The following TBXAS1 variants were observed in gnomAD, a reference collection of about 807,000 sequenced individuals.
TBXAS1 encodes thromboxane-A synthase.
TBXAS1 carries 48 observed loss-of-function variants against 60.7 expected under a neutral mutation model. That is an observed-to-expected ratio of 0.79 (90% CI 0.63 to 1.01). TBXAS1 has a LOEUF of 1.01. Ranked by LOEUF, TBXAS1 falls within the 50% of genes least tolerant of loss-of-function variation. TBXAS1 has a pLI of 0.00. For synonymous variants in TBXAS1, 287 were observed against 269.7 expected, an observed-to-expected ratio of 1.06 and a Z score of -0.63; for missense variants, 685 against 686.3, an observed-to-expected ratio of 1.00 and a Z score of 0.02.
chr7:139,935,354 C>G (rs1807668139), intron 4 of TBXAS1, among the ~76,000 whole-genome samples: 1 of 152,200 alleles, frequency 6.6e-6, no homozygotes, highest in Admixed American at 6.5e-5. Flanking sequence ...TACATGGATT[C>G]AATGTAGTTC....
Position 139,976,677 on chromosome 7 carries a change from G to A in TBXAS1, c.1134+14444G>A, listed in dbSNP as rs545188829. ...GAACTTTTACAAACTGTAGCTGATT[G>A]GGTTCCGCCCCTGGAGATTCGATTT... On this transcript the variant is annotated intron_variant, in intron 9 of 12. Coordinates refer to ENST00000448866, the MANE Select transcript of TBXAS1 (RefSeq NM_001061.7). 9.9e-5 allele frequency among the ~76,000 whole-genome samples: 15 copies of A among 152,212 alleles called. No homozygotes were observed. The South Asian group carries it at 3.1e-3, about 32-fold the overall frequency.
chr7:139,995,783 G>A (rs374150054), intron 9 of TBXAS1, among the ~76,000 whole-genome samples: 2 of 152,212 alleles, frequency 1.3e-5, no homozygotes, highest in South Asian at 4.1e-4. Context: ...CCTTTTCCTT[G>A]GCCATGGGCT....
At chr7:139,868,547 A>G (rs1370623953) in intron 1 of TBXAS1, among the ~76,000 whole-genome samples, 1 of 151,378 alleles carries the variant, frequency 6.6e-6, no homozygotes, top group Non-Finnish European at 1.5e-5. Flanking sequence ...GTACTGGTAC[A>G]AAAGTAGCTC....
chr7:139,926,333 T>C (rs1041408963), intron 4 of TBXAS1, among the ~76,000 whole-genome samples: 3 of 152,342 alleles, frequency 2.0e-5, no homozygotes, highest in Admixed American at 6.5e-5. Context: ...CATTACTTGT[T>C]ATTGATCTGT....
intron 5 of TBXAS1, among the ~76,000 whole-genome samples, chr7:139,951,917 G>GAA (rs1268224246): frequency 9.1e-6 from 1 of 109,850 alleles, no homozygotes; most frequent in African/African-American, 3.5e-5. Context: ...GAGAAAGAAA[G>GAA]AGAGAAAGAA....
At chr7:139,930,164 G>A (rs1053212036) in intron 4 of TBXAS1, among the ~76,000 whole-genome samples, 4 of 152,102 alleles carry the variant, frequency 2.6e-5, no homozygotes, top group Non-Finnish European at 5.9e-5. Context: ...TCAAGGCTTT[G>A]CACTAATCTC....
At chr7:139,905,620 G>T (rs1333488201) in intron 3 of TBXAS1, among the ~76,000 whole-genome samples, 3 of 152,268 alleles carry the variant, frequency 2.0e-5, no homozygotes, top group Non-Finnish European at 4.4e-5. Context: ...TTAGGGTGAT[G>T]CTGGCTTCAT....
intron 4 of TBXAS1, among the ~76,000 whole-genome samples, chr7:139,933,029 C>T (rs1021945753): frequency 9.2e-5 from 14 of 152,070 alleles, no homozygotes; most frequent in African/African-American, 3.1e-4. Context: ...TGCACTACCG[C>T]CTGGGTGACA....
chr7:140,007,336 T>C (rs1267641069), intron 10 of TBXAS1, among the ~76,000 whole-genome samples, 154 bp downstream of exon 10: 1 of 152,006 alleles, frequency 6.6e-6, no homozygotes, highest in African/African-American at 2.4e-5. Flanking sequence ...CCATGGCACC[T>C]CAGATATCTG....
intron 1 of TBXAS1, among the ~76,000 whole-genome samples, chr7:139,833,747 A>G (rs943062830): frequency 1.3e-5 from 2 of 152,204 alleles, no homozygotes; most frequent in Non-Finnish European, 2.9e-5. Context: ...GGCCTTGTCC[A>G]ACAGTAAAAT....
intron 4 of TBXAS1, among the ~76,000 whole-genome samples, chr7:139,799,972 G>T (rs6954520): frequency 0.064 from 9,673 of 152,084 alleles, 1,024 homozygotes; most frequent in African/African-American, 0.22. Flanking sequence ...CCACTTCTAG[G>T]TTCCAAGCCA....
rs1387289433 is a variant in TBXAS1, at chr7:139,955,447, C to T, written c.540-12C>T. 6.2e-7 allele frequency: 1 copy of T among 1,614,034 alleles called. No individual in the cohort carries two copies. Among genetic ancestry groups the T allele is most frequent in the Non-Finnish European group, 8.5e-7 (1 of 1,180,030 alleles). ...GAGTCCTTTCAGATCTCTGTGCTCC[C>T]ATCTCCCGTAGGTGCTACTGCAATT... On this transcript the variant is annotated splice_polypyrimidine_tract_variant and intron_variant, in intron 6 of 12. Coordinates refer to ENST00000448866, the MANE Select transcript of TBXAS1 (RefSeq NM_001061.7).
At chr7:139,971,771 C>G (rs1811215879) in intron 9 of TBXAS1, among the ~76,000 whole-genome samples, 1 of 152,174 alleles carries the variant, frequency 6.6e-6, no homozygotes, top group Non-Finnish European at 1.5e-5. Flanking sequence ...CCTGCCCACC[C>G]TCTCCCTCTC....
chr7:139,956,678 G>A (rs1395982764), intron 7 of TBXAS1, among the ~76,000 whole-genome samples: 3 of 152,222 alleles, frequency 2.0e-5, no homozygotes, highest in Non-Finnish European at 4.4e-5. Context: ...TGAAATCGTA[G>A]GCAGAGTCAC....
intron 9 of TBXAS1, among the ~76,000 whole-genome samples, chr7:139,994,838 G>C (rs1813180153): frequency 6.6e-6 from 1 of 152,224 alleles, no homozygotes; most frequent in African/African-American, 2.4e-5. Context: ...CCAGGCGTGA[G>C]GGAGGCCTTA....
At chr7:139,996,962 A>G (rs942368095) in intron 9 of TBXAS1, among the ~76,000 whole-genome samples, 3 of 152,084 alleles carry the variant, frequency 2.0e-5, no homozygotes, top group Non-Finnish European at 4.4e-5. Flanking sequence ...TGTCTTATTG[A>G]CCTATTTCCC....
chr7:139,800,250 T>G (rs1379929380), intron 4 of TBXAS1, among the ~76,000 whole-genome samples: 2 of 152,164 alleles, frequency 1.3e-5, no homozygotes, highest in Non-Finnish European at 2.9e-5. Flanking sequence ...GGCTTCTCAT[T>G]GCACCTAGGG....
At position 139,969,349 on chromosome 7, in the gene TBXAS1, C is replaced by A. The variant is rs150399652; in HGVS notation, c.1134+7116C>A. ...CTTAAGGATAAAAGAACATTCTGTGCTGGTTATTTCAGCTTATTAGCTCAT... is the reference window on the plus strand; with the variant it reads ...CTTAAGGATAAAAGAACATTCTGTGATGGTTATTTCAGCTTATTAGCTCAT... On this transcript the variant is annotated intron_variant, in intron 9 of 12. Coordinates refer to ENST00000448866, the MANE Select transcript of TBXAS1 (RefSeq NM_001061.7). 3.3e-3 allele frequency among the ~76,000 whole-genome samples: 497 copies of A among 149,346 alleles called. 5 individuals carry two copies. Among genetic ancestry groups the A allele is most frequent in the African/African-American group, 0.012 (475 of 40,548 alleles).
At chr7:139,820,857 G>A (rs940036550) in intron 4 of TBXAS1, among the ~76,000 whole-genome samples, 1 of 152,114 alleles carries the variant, frequency 6.6e-6, no homozygotes, top group African/African-American at 2.4e-5. Flanking sequence ...TGAATAAGAG[G>A]TCAATCAGGA....
Sources: gnomAD v4.1 joint callset for allele counts (sites outside exome capture counted in the v4.1 genomes callset) on GRCh38, gnomAD v4.1.1 for gene constraint, MANE v1.5 for transcripts, NCBI Gene and HGNC (gene_info 2026-07-23, HGNC 2026-07-21) for gene names.